Variants in AGBL4 observed in about 807,000 individuals in gnomAD.
AGBL4 encodes the protein AGBL carboxypeptidase 4, also known as cytosolic carboxypeptidase 6.
AGBL4 carries 58 observed loss-of-function variants against 66.4 expected under a neutral mutation model. The observed-to-expected ratio is 0.87, with a 90% CI of 0.71 to 1.09. The LOEUF (loss-of-function observed/expected upper bound fraction) is 1.09. Ranked by LOEUF, AGBL4 falls within the 50% of genes least tolerant of loss-of-function variation. AGBL4 has a pLI of 0.00. For synonymous variants in AGBL4, 234 were observed against 222.9 expected (o/e 1.05, Z -0.44); for missense variants, 579 against 631.0 (o/e 0.92, Z 0.88).
chr1:48,554,007 G>C (rs1388146061), intron 11 of AGBL4, among the ~76,000 whole-genome samples: 1 of 152,190 alleles, frequency 6.6e-6, no homozygotes, highest in Non-Finnish European at 1.5e-5. Flanking sequence ...AAAGAACAGT[G>C]CAGCAAAGAA....
chr1:48,645,580 T>A (rs1357756258), intron 8 of AGBL4, among the ~76,000 whole-genome samples: 1 of 152,184 alleles, frequency 6.6e-6, no homozygotes, highest in Non-Finnish European at 1.5e-5. Context: ...CCCTTTCTAT[T>A]CCTACTCCAT....
chr1:49,113,568 G>A (rs1052074981), intron 4 of AGBL4, among the ~76,000 whole-genome samples: 3 of 152,082 alleles, frequency 2.0e-5, no homozygotes, highest in African/African-American at 7.2e-5. Context: ...TGTTCTTATT[G>A]GCATCTAAAA....
chr1:49,966,862 A>G (rs1219228087), intron 1 of AGBL4, among the ~76,000 whole-genome samples: 1 of 152,182 alleles, frequency 6.6e-6, no homozygotes, highest in Non-Finnish European at 1.5e-5. Flanking sequence ...CAACTTTACG[A>G]TTCTTGATAG....
intron 2 of AGBL4, among the ~76,000 whole-genome samples, chr1:49,716,311 A>G (rs1482172616): frequency 6.6e-6 from 1 of 152,138 alleles, no homozygotes; most frequent in East Asian, 1.9e-4. Flanking sequence ...ATTGGTCTAT[A>G]TATCTGTTTT....
At chr1:49,146,955 A>G (rs565016347) in intron 4 of AGBL4, among the ~76,000 whole-genome samples, 172 of 152,378 alleles carry the variant, frequency 1.1e-3, no homozygotes, top group African/African-American at 4.0e-3. Flanking sequence ...ATCATAATTC[A>G]TCAGCTTCAG....
At chr1:49,404,858 T>G (rs1645162923) in intron 3 of AGBL4, among the ~76,000 whole-genome samples, 1 of 152,224 alleles carries the variant, frequency 6.6e-6, no homozygotes, top group African/African-American at 2.4e-5. Context: ...AACTGCTTAT[T>G]TTTTTGAGCA....
intron 4 of AGBL4, among the ~76,000 whole-genome samples, chr1:49,152,784 A>G (rs953803648): frequency 2.0e-5 from 3 of 152,240 alleles, no homozygotes; most frequent in African/African-American, 7.2e-5. Flanking sequence ...CCAAGAAGCT[A>G]CCTGGGAAAA....
chr1:49,322,238 T>C (rs1645144709), intron 3 of AGBL4, among the ~76,000 whole-genome samples: 1 of 152,202 alleles, frequency 6.6e-6, no homozygotes, highest in African/African-American at 2.4e-5. Flanking sequence ...CAAAATAGTT[T>C]TTATAGCATG....
intron 3 of AGBL4, among the ~76,000 whole-genome samples, chr1:49,495,400 A>G (rs1647451030): frequency 6.6e-6 from 1 of 152,054 alleles, no homozygotes; most frequent in Admixed American, 6.6e-5. Context: ...TAGTGTTAGC[A>G]TATTGTATGT....
chr1:49,777,645 C>G (rs564556344), intron 2 of AGBL4, among the ~76,000 whole-genome samples: 1 of 152,150 alleles, frequency 6.6e-6, no homozygotes, highest in East Asian at 1.9e-4. Context: ...AAAAACAAAA[C>G]AAAACAAAAA....
intron 3 of AGBL4, among the ~76,000 whole-genome samples, chr1:49,571,166 G>T (rs976506414): frequency 2.6e-5 from 4 of 151,406 alleles, no homozygotes; most frequent in Admixed American, 6.6e-5. Context: ...TGAATCTGTA[G>T]ATTTCTTTGA....
chr1:48,535,048 GT>G, intron 12 of AGBL4, 132 bp from the exon 13 acceptor site: 1 of 848,976 alleles, frequency 1.2e-6, no homozygotes, highest in Non-Finnish European at 1.8e-6. Flanking sequence ...ACGTAAGTAT[GT>G]TTTTATGGGG....
intron 9 of AGBL4, among the ~76,000 whole-genome samples, chr1:48,615,700 C>T (rs1189642978): frequency 6.6e-6 from 1 of 152,216 alleles, no homozygotes; most frequent in Admixed American, 6.5e-5. Flanking sequence ...GGTAGTTCTA[C>T]CCTGGACCCA....
intron 5 of AGBL4, among the ~76,000 whole-genome samples, chr1:49,016,515 T>C (rs1401702619): frequency 2.0e-5 from 3 of 152,092 alleles, no homozygotes; most frequent in East Asian, 1.9e-4. Context: ...AGTTTTGACA[T>C]TGTAAGAGGA....
intron 6 of AGBL4, among the ~76,000 whole-genome samples, chr1:48,755,443 C>A (rs374075079): frequency 6.6e-6 from 1 of 152,186 alleles, no homozygotes; most frequent in African/African-American, 2.4e-5. Flanking sequence ...TTGAGCTAGG[C>A]CCCTAGCTGA....
chr1:48,871,171 T>G (rs573690586), intron 5 of AGBL4, among the ~76,000 whole-genome samples: 1 of 152,308 alleles, frequency 6.6e-6, no homozygotes, highest in African/African-American at 2.4e-5. Flanking sequence ...CAAATTATTA[T>G]AATTGGTTGC....
At chr1:49,597,138 A>T (rs1644867638) in intron 3 of AGBL4, among the ~76,000 whole-genome samples, 1 of 152,214 alleles carries the variant, frequency 6.6e-6, no homozygotes, top group African/African-American at 2.4e-5. Context: ...TCAAGTAAAC[A>T]CCAATCTCCA....
intron 3 of AGBL4, among the ~76,000 whole-genome samples, chr1:49,692,376 G>A (rs906205700): frequency 5.3e-5 from 8 of 152,056 alleles, no homozygotes. Flanking sequence ...TTTTGACCAT[G>A]GCCAGGATGA....
intron 4 of AGBL4, among the ~76,000 whole-genome samples, chr1:49,147,596 C>T (rs894673471): frequency 1.3e-5 from 2 of 152,086 alleles, no homozygotes; most frequent in East Asian, 1.9e-4. Flanking sequence ...AAAGTTGCCA[C>T]CTCCAGGTTT....
Sources: gnomAD v4.1 joint callset for allele counts (sites outside exome capture counted in the v4.1 genomes callset) on GRCh38, gnomAD v4.1.1 for gene constraint, MANE v1.5 for transcripts, NCBI Gene and HGNC (gene_info 2026-07-23, HGNC 2026-07-21) for gene names.